The following UBL5 variants were observed in gnomAD, a reference collection of about 807,000 sequenced individuals.
The protein encoded by UBL5 is ubiquitin like 5, also known as ubiquitin-like protein 5.
In UBL5, 13 loss-of-function variants were observed where a neutral mutation model predicts 11.7. That is an observed-to-expected ratio of 1.11 (90% CI 0.73 to 1.77). The LOEUF (loss-of-function observed/expected upper bound fraction) is 1.77. UBL5 is among the 40% of genes most tolerant of loss of function. The probability of loss-of-function intolerance (pLI) is 0.00; values close to 1 mark genes in which losing one functional copy is unlikely to be tolerated. For synonymous variants in UBL5, 28 were observed against 34.7 expected (o/e 0.81, Z 0.68); for missense variants, 58 against 92.3 (o/e 0.63, Z 1.52).
intron 4 of UBL5, chr19:9,829,215 G>A (rs2046042088): frequency 4.1e-6 from 1 of 244,160 alleles, no homozygotes; most frequent in Non-Finnish European, 8.1e-6. Context: ...AGACAGTCTG[G>A]CTCTGTCGCC....
At position 9,828,329 on chromosome 19, in the gene UBL5, C is replaced by T. The variant is rs745464128; in HGVS notation, c.-9C>T. 1.3e-5 allele frequency: 20 copies of T among 1,587,984 alleles called. No individual in the cohort carries two copies. In the Admixed American group the frequency reaches 2.2e-4, roughly 17 times the overall value. On this transcript the variant is annotated splice_region_variant and 5_prime_UTR_variant, in exon 2 of 5. Coordinates refer to ENST00000586895, the MANE Select transcript of UBL5 (RefSeq NM_001048241.3). ...CACCCACCCCCCGCTTTGTGTAGCT[C>T]CAGCTAGGATGATCGAGGTTGTTTG...
chr19:9,828,658 G>A lies in UBL5; in HGVS notation c.123G>A (p.Lys41=), dbSNP rs2046039007. The part of the protein sequence containing the change: ...IAAQTGTRWN[K]IVLKKWYTIF... ...CCCAAACTGGTACCCGTTGGAACAA[G>A]ATTGTCCTGAAGAAGTGGTGAGTGC... The change falls in exon 3 of 5, where the codon AAG becomes AAA. Residue 41 remains lysine (K), a synonymous_variant. Transcript: ENST00000586895. The A allele has an allele frequency of 6.2e-7, 1 of 1,614,114 alleles. No individual in the cohort carries two copies.
chr19:9,829,131 A>G, intron 4 of UBL5: 1 of 547,998 alleles, frequency 1.8e-6, no homozygotes, highest in Non-Finnish European at 3.3e-6. Flanking sequence ...GGGTGGGGTG[A>G]GACTCAGGCA....
chr19:9,829,795 C>A, intron 4 of UBL5, 170 bp from the exon 5 acceptor site: 1 of 665,736 alleles, frequency 1.5e-6, no homozygotes, highest in Non-Finnish European at 2.6e-6. Context: ...CTGCACCCAG[C>A]CAGAAATTCT....
chr19:9,828,046 G>T, intron 1 of UBL5, 62 bp downstream of exon 1: 1 of 531,314 alleles, frequency 1.9e-6, no homozygotes, highest in Non-Finnish European at 3.4e-6. Flanking sequence ...AGCCACCCAG[G>T]GTCTGGGGTC....
intron 1 of UBL5, 33 bp from the exon 2 acceptor site, chr19:9,828,294 T>C (rs1336906823): frequency 3.1e-6 from 5 of 1,606,766 alleles, no homozygotes; most frequent in Admixed American, 1.7e-5. Flanking sequence ...GCTCTGACTT[T>C]GCTGCCTCCC....
intron 4 of UBL5, 47 bp downstream of exon 4, chr19:9,828,921 C>T (rs1432471317): frequency 1.0e-5 from 16 of 1,591,680 alleles, no homozygotes; most frequent in Non-Finnish European, 1.3e-5. Flanking sequence ...TACCCAGCCT[C>T]GGTTATCTGT....
At chr19:9,828,535 A>G in intron 2 of UBL5, 57 bp from the exon 3 acceptor site, 4 of 1,611,376 alleles carry the variant, frequency 2.5e-6, no homozygotes, top group Non-Finnish European at 3.4e-6. Flanking sequence ...ATTCTGCCCT[A>G]GAATGTCCTC....
chr19:9,829,706 A>G (rs1194903540), intron 4 of UBL5: 1 of 451,278 alleles, frequency 2.2e-6, no homozygotes, highest in East Asian at 3.9e-5. Flanking sequence ...CGTGTTGGCC[A>G]GGCTGGTCTC....
intron 4 of UBL5, 24 bp from the exon 5 acceptor site, chr19:9,829,941 G>T: frequency 6.2e-7 from 1 of 1,614,100 alleles, no homozygotes; most frequent in Non-Finnish European, 8.5e-7. Flanking sequence ...TCAGAGTCAG[G>T]ATTCCTTAAC....
chr19:9,829,133 A>G, intron 4 of UBL5: 2 of 544,164 alleles, frequency 3.7e-6, no homozygotes, highest in Non-Finnish European at 6.6e-6. Context: ...GTGGGGTGAG[A>G]CTCAGGCATA....
intron 1 of UBL5, 101 bp from the exon 2 acceptor site, chr19:9,828,226 A>G (rs2046035306): frequency 8.8e-7 from 1 of 1,142,392 alleles, no homozygotes; most frequent in Non-Finnish European, 1.3e-6. Flanking sequence ...CTGGAATTTT[A>G]GGGCCTGGGA....
At chr19:9,829,881 T>C (rs2046046107) in intron 4 of UBL5, 84 bp from the exon 5 acceptor site, 1 of 1,546,942 alleles carries the variant, frequency 6.5e-7, no homozygotes, top group Non-Finnish European at 8.9e-7. Context: ...GGCTGAGACC[T>C]CAGGCCACCT....
intron 4 of UBL5, 88 bp downstream of exon 4, chr19:9,828,962 T>C: frequency 7.7e-7 from 1 of 1,298,450 alleles, no homozygotes; most frequent in Non-Finnish European, 1.1e-6. Flanking sequence ...AGCTTATGCA[T>C]ATTAAGTGTT....
intron 4 of UBL5, chr19:9,829,496 C>CT (rs1357729921): frequency 0.014 from 1,783 of 124,714 alleles, 9 homozygotes; most frequent in Middle Eastern, 0.023. Flanking sequence ...GGAACAGAAA[C>CT]TTTTTTTTTT....
chr19:9,829,434 G>T, intron 4 of UBL5: 1 of 160,714 alleles, frequency 6.2e-6, no homozygotes, highest in Non-Finnish European at 1.4e-5. Flanking sequence ...TCCCGCCTCG[G>T]CCTCCCAAAG....
intron 4 of UBL5, 82 bp from the exon 5 acceptor site, chr19:9,829,883 A>G: frequency 4.5e-6 from 7 of 1,553,584 alleles, no homozygotes; most frequent in Non-Finnish European, 6.2e-6. Context: ...CTGAGACCTC[A>G]GGCCACCTGA....
At position 9,829,888 on chromosome 19, in the gene UBL5, A is replaced by G. The variant is rs184470827; in HGVS notation, c.179-77A>G. ...TAGCCCTGGGCTGAGACCTCAGGCC[A>G]CCTGACCCGGCTGTGAATGGATGAG... On this transcript the variant is annotated intron_variant, in intron 4 of 4. Coordinates refer to ENST00000586895, the MANE Select transcript of UBL5 (RefSeq NM_001048241.3). The G allele has an allele frequency of 3.9e-5, 61 of 1,578,296 alleles. No individual in the cohort carries two copies. The East Asian group carries it at 8.1e-4, about 21-fold the overall frequency.
At chr19:9,828,487 A>AAACCGC (rs998301172) in intron 2 of UBL5, 94 bp downstream of exon 2, 92 of 1,608,204 alleles carry the variant, frequency 5.7e-5, no homozygotes, top group Non-Finnish European at 7.7e-5. Context: ...TTTTAGTTAA[A>AAACCGC]CCCGGGAGAG....
Sources: allele counts gnomAD v4.1 joint callset, GRCh38; gene constraint gnomAD v4.1.1; transcripts MANE v1.5; gene names NCBI Gene and HGNC (gene_info 2026-07-23, HGNC 2026-07-21).